LRRC51: variants seen among roughly 807,000 people sequenced by gnomAD.
The protein encoded by LRRC51 is leucine-rich repeat-containing protein 51.
Under a neutral mutation model 17.8 loss-of-function variants are expected in LRRC51, and 8 were observed. That is an observed-to-expected ratio of 0.45 (90% CI 0.26 to 0.81). LRRC51 has a LOEUF of 0.81. LRRC51 is among the 30% of genes least tolerant of loss of function. The pLI, the probability that LRRC51 is intolerant of heterozygous loss-of-function variation, is 0.17. For synonymous variants in LRRC51, 92 were observed against 96.0 expected, an observed-to-expected ratio of 0.96 and a Z score of 0.24; for missense variants, 233 against 239.3, an observed-to-expected ratio of 0.97 and a Z score of 0.17.
chr11:72,088,787 T>A, intron 2 of LRRC51: 1 of 525,370 alleles, frequency 1.9e-6, no homozygotes, highest in East Asian at 3.6e-5. Context: ...TCATCTGGCA[T>A]TTTCCAGACA....
At chr11:72,086,851 T>C (rs1353994326) in intron 1 of LRRC51, among the ~76,000 whole-genome samples, 1 of 152,246 alleles carries the variant, frequency 6.6e-6, no homozygotes, top group African/African-American at 2.4e-5. Flanking sequence ...CAGTATTTAC[T>C]TTGAGAAAAG....
chr11:72,089,376 G>A (rs1944726330), intron 3 of LRRC51: 3 of 1,474,530 alleles, frequency 2.0e-6, no homozygotes, highest in South Asian at 2.4e-5. Flanking sequence ...AGCCCCAGGA[G>A]ATCCTAAGAA....
In LRRC51 at chr11:72,095,108, G is replaced by GC; in HGVS notation, c.437+16dup. The stretch of plus-strand genomic sequence containing the variant: ...GAGAAAGGGTATAGGTAAGTGCCCT[G>GC]CCCCTGGAGGTAGCGTCTAGCTGGG... On this transcript the variant is annotated intron_variant, in intron 5 of 5. Coordinates refer to ENST00000289488, the MANE Select transcript of LRRC51 (RefSeq NM_145309.6). The GC allele has an allele frequency of 6.2e-7, 1 of 1,612,668 alleles. No individual in the cohort carries two copies. Among genetic ancestry groups the GC allele is most frequent in the Non-Finnish European group, 8.5e-7 (1 of 1,179,004 alleles).
At chr11:72,087,005 G>T (rs1944568232) in intron 1 of LRRC51, among the ~76,000 whole-genome samples, 1 of 152,136 alleles carries the variant, frequency 6.6e-6, no homozygotes, top group African/African-American at 2.4e-5. Context: ...TTTGTTGTCT[G>T]CCTGTAGATT....
intron 1 of LRRC51, among the ~76,000 whole-genome samples, chr11:72,083,204 C>G (rs1944342955): frequency 6.6e-6 from 1 of 152,142 alleles, no homozygotes; most frequent in African/African-American, 2.4e-5. Flanking sequence ...TTTCCTATTG[C>G]TCCCATCTCT....
In LRRC51 at chr11:72,095,827, C is replaced by A; in HGVS notation, c.*307C>A. 1 of 437,512 alleles carries A rather than the reference C, an allele frequency of 2.3e-6. No individual in the cohort carries two copies. The highest frequency in any genetic ancestry group is 3.6e-4 in the Middle Eastern group (1 of 2,788). 27.1% of individuals were successfully genotyped at this position (437,512 alleles called of 1,614,324 possible). A position where few individuals can be genotyped will look rare whatever the true frequency, so the allele number is the denominator to read the frequency against. Reference sequence around the variant, plus strand: ...AGCTGTGATTAAAGGCGCCTGCCACCATGACTGGCTAATTTTGTTGTTGTT... The same window carrying A: ...AGCTGTGATTAAAGGCGCCTGCCACAATGACTGGCTAATTTTGTTGTTGTT... On this transcript the variant is annotated 3_prime_UTR_variant, in exon 6 of 6. Transcript: ENST00000289488.
At chr11:72,085,245 A>C (rs1944467605) in intron 1 of LRRC51, among the ~76,000 whole-genome samples, 1 of 152,226 alleles carries the variant, frequency 6.6e-6, no homozygotes, top group Admixed American at 6.5e-5. Flanking sequence ...TAAGCATGGC[A>C]GCATCAACAC....
At chr11:72,083,548 C>T (rs1944363113) in intron 1 of LRRC51, among the ~76,000 whole-genome samples, 1 of 152,094 alleles carries the variant, frequency 6.6e-6, no homozygotes, top group African/African-American at 2.4e-5. Context: ...CTACTACTTG[C>T]CGGCACTATG....
Position 72,095,668 on chromosome 11 carries a change from T to G in LRRC51, c.*148T>G. ...AGGCAACTGCAAGTAGCTCTAGCCT[T>G]TTCTTTTCTTTTTTTTTTTTTTGAG... On this transcript the variant is annotated 3_prime_UTR_variant, in exon 6 of 6. Coordinates refer to ENST00000289488, the MANE Select transcript of LRRC51 (RefSeq NM_145309.6). 4 of 1,500,026 alleles carry G rather than the reference T, an allele frequency of 2.7e-6. No homozygotes were observed. The highest frequency in any genetic ancestry group is 3.5e-6 in the Non-Finnish European group (4 of 1,129,036). 92.9% of individuals were successfully genotyped at this position (1,500,026 alleles called of 1,614,324 possible).
At chr11:72,094,526 G>T in intron 4 of LRRC51, 1 of 597,516 alleles carries the variant, frequency 1.7e-6, no homozygotes, top group Non-Finnish European at 3.0e-6. Context: ...GCTGGAGCAT[G>T]ACTTGGACAC....
Position 72,096,760 on chromosome 11 carries a change from T to C in LRRC51, c.*1240T>C. The C allele has an allele frequency of 1.3e-6, 2 of 1,491,860 alleles. No individual in the cohort carries two copies. The allele number at this position is 1,491,860 out of a possible 1,614,324, so 92.4% of individuals were successfully genotyped here. On this transcript the variant is annotated 3_prime_UTR_variant, in exon 6 of 6. Transcript: ENST00000289488. ...TGTAGAGATGCCTCACAGGCCTCCA[T>C]GACAGGCCAAGAAGATGGCCTATGA...
At chr11:72,092,560 C>T (rs1944920753) in intron 3 of LRRC51, among the ~76,000 whole-genome samples, 1 of 152,226 alleles carries the variant, frequency 6.6e-6, no homozygotes, top group Admixed American at 6.5e-5. Context: ...TTGCTTTAAA[C>T]ACTCCAGTGC....
rs200241625 is a variant in LRRC51, at chr11:72,095,676, C to CTTT, written c.*168_*170dup. ...GCAAGTAGCTCTAGCCTTTTCTTTT[C>CTTT]TTTTTTTTTTTTTTGAGACGGAGTC... On this transcript the variant is annotated 3_prime_UTR_variant, in exon 6 of 6. Coordinates refer to ENST00000289488, the MANE Select transcript of LRRC51 (RefSeq NM_145309.6). The CTTT allele has an allele frequency of 5.8e-5, 74 of 1,285,822 alleles. No homozygotes were observed. The highest frequency in any genetic ancestry group is 2.6e-4 in the Middle Eastern group (1 of 3,850). The allele number at this position is 1,285,822 out of a possible 1,614,324, so 79.7% of individuals were successfully genotyped here.
rs1259883388 is a variant in LRRC51, at chr11:72,096,699, C to T, written c.*1179C>T. ...TAGAGATTTGGGGGTTAAAGTAGATCAGTAATTTCCAAACTCTTCACAGAG... is the reference window on the plus strand; with the variant it reads ...TAGAGATTTGGGGGTTAAAGTAGATTAGTAATTTCCAAACTCTTCACAGAG... On this transcript the variant is annotated 3_prime_UTR_variant, in exon 6 of 6. Transcript: ENST00000289488. 1.3e-6 allele frequency: 2 copies of T among 1,548,500 alleles called. No individual in the cohort carries two copies. Among genetic ancestry groups the T allele is most frequent in the Non-Finnish European group, 1.7e-6 (2 of 1,145,498 alleles).
At chr11:72,085,717 T>C (rs1313178825) in intron 1 of LRRC51, 1 of 152,380 alleles carries the variant, frequency 6.6e-6, no homozygotes, top group Non-Finnish European at 1.5e-5. Context: ...AAACATTTAT[T>C]ATTGCTTCTA....
chr11:72,089,165 G>C lies in LRRC51; in HGVS notation c.82G>C (p.Asp28His). The C allele has an allele frequency of 6.2e-7, 1 of 1,614,136 alleles. No homozygotes were observed. Among genetic ancestry groups the C allele is most frequent in the Non-Finnish European group, 8.5e-7 (1 of 1,180,032 alleles). Residue 28 changes from aspartate (D) to histidine (H), a missense_variant and splice_region_variant, in exon 3 of 6, where the codon GAT becomes CAT. Coordinates refer to ENST00000289488, the MANE Select transcript of LRRC51 (RefSeq NM_145309.6). ...CTTCAGAAGCATCCACGTCATTCAA[G>C]GTCAGCCCCCAGAGCACAGTACTCC... ...YSFRSIHVIQ[D>H]LVNEEPRTGL...
rs555734909 is a variant in LRRC51 at position 72,089,300 on chromosome 11, T to C, written c.82+135T>C. On this transcript the variant is annotated intron_variant, in intron 3 of 5. Coordinates refer to ENST00000289488, the MANE Select transcript of LRRC51 (RefSeq NM_145309.6). Reference sequence around the variant, plus strand: ...TTGCAGATGTGTTGTTACTGTCTTTTGGAGGGTAGGGGAGAGTGAGAGGTT... The same window carrying C: ...TTGCAGATGTGTTGTTACTGTCTTTCGGAGGGTAGGGGAGAGTGAGAGGTT... The C allele has an allele frequency of 5.7e-5, 88 of 1,530,984 alleles. 1 individual carries two copies. The highest frequency in any genetic ancestry group is 5.7e-4 in the Admixed American group (30 of 52,456). 94.8% of individuals were successfully genotyped at this position (1,530,984 alleles called of 1,614,324 possible).
At chr11:72,092,533 TA>T (rs1439093302) in intron 3 of LRRC51, among the ~76,000 whole-genome samples, 1 of 152,226 alleles carries the variant, frequency 6.6e-6, no homozygotes, top group Non-Finnish European at 1.5e-5. Flanking sequence ...CTTTCTGAAA[TA>T]AAAGATTTGA....
intron 3 of LRRC51, among the ~76,000 whole-genome samples, chr11:72,091,325 G>A (rs983016664): frequency 8.5e-5 from 13 of 152,138 alleles, no homozygotes; most frequent in African/African-American, 3.1e-4. Context: ...GGGGAGGGAA[G>A]CAGGATTAGG....
Sources: gnomAD v4.1 joint callset for allele counts (sites outside exome capture counted in the v4.1 genomes callset) on GRCh38, gnomAD v4.1.1 for gene constraint, MANE v1.5 for transcripts, NCBI Gene and HGNC (gene_info 2026-07-23, HGNC 2026-07-21) for gene names.